GLS: variants seen among roughly 807,000 people sequenced by gnomAD.
The protein encoded by GLS is glutaminase kidney isoform, mitochondrial.
A neutral mutation model predicts 86.7 loss-of-function variants in GLS; 36 were observed. The observed-to-expected ratio is 0.42, with a 90% CI of 0.32 to 0.55. GLS has a LOEUF of 0.55. GLS is among the 20% of genes least tolerant of loss of function. The pLI is 0.17. For missense variants in GLS, 528 were observed against 833.4 expected (o/e 0.63, Z 4.51); for synonymous variants, 317 against 305.9 (o/e 1.04, Z -0.38).
chr2:190,957,784 T>C (rs1690896010), intron 17 of GLS, among the ~76,000 whole-genome samples: 3 of 152,214 alleles, frequency 2.0e-5, no homozygotes, highest in African/African-American at 4.8e-5. Context: ...ATAAGCTTTT[T>C]GATGTGCTGC....
rs113777556 is a variant in GLS, at chr2:190,896,827, A to G, written c.605+1102A>G. On this transcript the variant is annotated intron_variant, in intron 3 of 17. Transcript: ENST00000320717. ...CCTGCTTTTTAAGAGACAGAAAAAC[A>G]TCATTTCTAAATTTATTTGTGTCTT... Among the ~76,000 whole-genome samples, 1,354 of 152,272 alleles carry G rather than the reference A, an allele frequency of 8.9e-3. 32 individuals carry two copies. Among genetic ancestry groups the G allele is most frequent in the African/African-American group, 0.029 (1,221 of 41,556 alleles).
At chr2:190,893,106 G>A (rs1414209635) in intron 1 of GLS, among the ~76,000 whole-genome samples, 2 of 152,024 alleles carry the variant, frequency 1.3e-5, no homozygotes, top group Non-Finnish European at 2.9e-5. Context: ...TAAATAATTG[G>A]TATGTTATTA....
intron 6 of GLS, among the ~76,000 whole-genome samples, chr2:190,909,844 C>A (rs1689296302): frequency 6.6e-6 from 1 of 152,070 alleles, no homozygotes; most frequent in South Asian, 2.1e-4. Flanking sequence ...GAGTTTGAGT[C>A]CAGCCTGGGC....
At position 190,946,111 on chromosome 2, in the gene GLS, T is replaced by C. The variant is rs1376978676; in HGVS notation, c.1651-7454T>C. ...TTTTTTTTACACATCCTTAAAAATA[T>C]TAAATAAGCTCAGTAGTAAAGGAAA... On this transcript the variant is annotated intron_variant, in intron 14 of 17. Coordinates refer to ENST00000320717, the MANE Select transcript of GLS (RefSeq NM_014905.5). Among the ~76,000 whole-genome samples, 4 of 152,286 alleles carry C rather than the reference T, an allele frequency of 2.6e-5. No homozygotes were observed. The East Asian group carries it at 5.8e-4, about 22-fold the overall frequency.
In GLS at chr2:190,880,902, A is replaced by AGCAGCAGCAGCACCC. The variant is rs1688120275; in HGVS notation, c.-171_-170insCCCGCAGCAGCAGCA. ...CAGCAGCAGCAGCAGCAGCAGCAGC[A>AGCAGCAGCAGCACCC]GCAGCAGCAGCAGCAGCACCCGCAT... On this transcript the variant is annotated 5_prime_UTR_variant, in exon 1 of 18. Transcript: ENST00000320717. 10 of 904,110 alleles carry AGCAGCAGCAGCACCC rather than the reference A, an allele frequency of 1.1e-5. No individual in the cohort carries two copies. Among genetic ancestry groups the AGCAGCAGCAGCACCC allele is most frequent in the Admixed American group, 6.4e-5 (3 of 46,686 alleles). The allele number at this position is 904,110 out of a possible 1,614,324, so 56.0% of individuals were successfully genotyped here. A position where few individuals can be genotyped will look rare whatever the true frequency, so the allele number is the denominator to read the frequency against.
At chr2:190,894,042 T>C (rs11691127) in intron 1 of GLS, among the ~76,000 whole-genome samples, 128,666 of 152,200 alleles carry the variant, frequency 0.85, 55,830 homozygotes, top group Non-Finnish European at 0.94. Flanking sequence ...ATCATAGCAT[T>C]TTAGTGTTAC....
chr2:190,881,504 T>A (rs993395684), intron 1 of GLS, 34 bp downstream of exon 1: 2 of 1,526,544 alleles, frequency 1.3e-6, no homozygotes, highest in Non-Finnish European at 1.8e-6. Context: ...GAGGCCTCGT[T>A]CCTTTCGGGG....
chr2:190,920,823 C>T lies in GLS; in HGVS notation c.1039-201C>T, dbSNP rs1689706338. 6.6e-6 allele frequency among the ~76,000 whole-genome samples: 1 copy of T among 151,396 alleles called. No individual in the cohort carries two copies. The highest frequency in any genetic ancestry group is 2.4e-5 in the African/African-American group (1 of 41,304). The stretch of plus-strand genomic sequence containing the variant: ...AAAATAAAGCATTCCCTTTGTAATT[C>T]TAATGCATTCTCAACATATGGGTAT... On this transcript the variant is annotated intron_variant, in intron 7 of 17. Transcript: ENST00000320717. This position sits in a 1 kb window ranked among gnomAD's most constrained non-coding sequence, Gnocchi z 4.2.
Position 190,962,561 on chromosome 2 carries a change from A to T in GLS, c.1854-269A>T, listed in dbSNP as rs529314822. Among the ~76,000 whole-genome samples the T allele has an allele frequency of 3.3e-5, 5 of 152,344 alleles. No individual in the cohort carries two copies. Among genetic ancestry groups the T allele is most frequent in the African/African-American group, 1.2e-4 (5 of 41,582 alleles). On this transcript the variant is annotated intron_variant, in intron 17 of 17. Coordinates refer to ENST00000320717, the MANE Select transcript of GLS (RefSeq NM_014905.5). This position sits in a 1 kb window ranked among gnomAD's most constrained non-coding sequence, Gnocchi z 4.2. The stretch of plus-strand genomic sequence containing the variant: ...ATCTGTCACCACAAGGACTTTCCTT[A>T]AAAAGCTCCCTCCATAAGCACTTGG...
At chr2:190,946,310 A>G (rs575582284) in intron 14 of GLS, among the ~76,000 whole-genome samples, 1 of 152,318 alleles carries the variant, frequency 6.6e-6, no homozygotes, top group South Asian at 2.1e-4. Flanking sequence ...GCTTATTTTC[A>G]TTTAAAGACT....
chr2:190,925,063 C>T (rs1662681869), intron 11 of GLS, among the ~76,000 whole-genome samples: 1 of 152,160 alleles, frequency 6.6e-6, no homozygotes, highest in Non-Finnish European at 1.5e-5. Flanking sequence ...CCTAAAAATT[C>T]ATGCCTCAAA....
intron 14 of GLS, among the ~76,000 whole-genome samples, chr2:190,932,128 T>TTA (rs1225134032): frequency 6.6e-6 from 1 of 151,958 alleles, no homozygotes; most frequent in African/African-American, 2.4e-5. Flanking sequence ...GCCTCAAAAG[T>TTA]TTTATAAGTC....
At chr2:190,928,600 G>T (rs1001858325) in intron 12 of GLS, among the ~76,000 whole-genome samples, 1 of 151,850 alleles carries the variant, frequency 6.6e-6, no homozygotes. Context: ...CTCCCAAATT[G>T]CTGGGATTAC....
Position 190,927,487 on chromosome 2 carries a change from G to A in GLS, c.1425+5G>A. On this transcript the variant is annotated splice_donor_5th_base_variant and intron_variant, in intron 12 of 17. Transcript: ENST00000320717. ...TCAGGGCAGTTTGCTTTCCATGTAA[G>A]TAATTGTTTAATCTTATTTTCTCTG... 1 of 1,593,028 alleles carries A rather than the reference G, an allele frequency of 6.3e-7. No individual in the cohort carries two copies. Among genetic ancestry groups the A allele is most frequent in the Non-Finnish European group, 8.6e-7 (1 of 1,167,536 alleles).
At chr2:190,912,886 TACGTAGTC>T (rs1255519266) in intron 7 of GLS, among the ~76,000 whole-genome samples, 1 of 152,204 alleles carries the variant, frequency 6.6e-6, no homozygotes, top group African/African-American at 2.4e-5. Flanking sequence ...TAGCAAGTGT[TACGTAGTC>T]ATTCTTCGGA....
Position 190,930,657 on chromosome 2 carries a change from A to G in GLS, c.1557+89A>G. The stretch of plus-strand genomic sequence containing the variant: ...TTTAACCCATTTTCCATAGTTCATT[A>G]ACTCTTGGCCCTCCGCCTATAGTGT... On this transcript the variant is annotated intron_variant, in intron 13 of 17. Coordinates refer to ENST00000320717, the MANE Select transcript of GLS (RefSeq NM_014905.5). This position sits in a 1 kb window ranked among gnomAD's most constrained non-coding sequence, Gnocchi z 5.0. 1 of 1,248,494 alleles carries G rather than the reference A, an allele frequency of 8.0e-7. No homozygotes were observed. The highest frequency in any genetic ancestry group is 2.0e-5 in the Admixed American group (1 of 49,144). 77.3% of individuals were successfully genotyped at this position (1,248,494 alleles called of 1,614,324 possible). A position where few individuals can be genotyped will look rare whatever the true frequency, so the allele number is the denominator to read the frequency against.
intron 14 of GLS, chr2:190,934,623 A>C: frequency 5.1e-6 from 5 of 984,500 alleles, no homozygotes; most frequent in Non-Finnish European, 6.0e-6. Context: ...CTATGATCTA[A>C]ATTGTTACAT....
intron 7 of GLS, 89 bp downstream of exon 7, chr2:190,910,410 G>A: frequency 1.5e-6 from 1 of 650,698 alleles, no homozygotes; most frequent in Non-Finnish European, 2.7e-6. Context: ...TATTTATGTA[G>A]AATTATGAAA....
chr2:190,892,630 A>G (rs1236988912), intron 1 of GLS, among the ~76,000 whole-genome samples: 1 of 152,210 alleles, frequency 6.6e-6, no homozygotes, highest in African/African-American at 2.4e-5. Context: ...GGGTTAAGGC[A>G]TGAATGATCT....
Sources: gnomAD v4.1 joint callset for allele counts (sites outside exome capture counted in the v4.1 genomes callset) on GRCh38, gnomAD v4.1.1 for gene constraint, Gnocchi (gnomAD v3.1) non-coding constraint, MANE v1.5 for transcripts, NCBI Gene and HGNC (gene_info 2026-07-23, HGNC 2026-07-21) for gene names.